TDP1: variants seen among roughly 807,000 people sequenced by gnomAD.
TDP1 encodes tyrosyl-DNA phosphodiesterase 1, also known as tyr-DNA phosphodiesterase 1.
Under a neutral mutation model 81.5 loss-of-function variants are expected in TDP1, and 64 were observed. That is an observed-to-expected ratio of 0.79 (90% confidence interval 0.64 to 0.97). The LOEUF is 0.97. Among genes scored for constraint, TDP1 ranks in the 50% least tolerant of loss-of-function variants. TDP1 has a pLI of 0.00. For missense variants in TDP1, 723 were observed against 743.8 expected, an observed-to-expected ratio of 0.97 and a Z score of 0.33; for synonymous variants, 256 against 264.3, an observed-to-expected ratio of 0.97 and a Z score of 0.30.
chr14:89,975,553 TATAATCATTCTGGGTA>T, intron 6 of TDP1: 1 of 873,482 alleles, frequency 1.1e-6, no homozygotes, highest in South Asian at 5.3e-5. Flanking sequence ...TTCTGTAGTG[TATAATCATTCTGGGTA>T]ACAAAATTTG....
intron 11 of TDP1, 105 bp downstream of exon 11, chr14:89,989,195 CTT>C (rs35878148): frequency 0.015 from 10,580 of 722,238 alleles, no homozygotes; most frequent in Middle Eastern, 0.017. Flanking sequence ...TTCTGTGATT[CTT>C]TTTTTTTTTT....
intron 16 of TDP1, among the ~76,000 whole-genome samples, chr14:90,040,641 G>A (rs888548811): frequency 2.0e-5 from 3 of 152,224 alleles, no homozygotes; most frequent in Admixed American, 2.0e-4. Context: ...TGCAACAAAT[G>A]TTTTAAATAC....
At chr14:89,995,046 G>A (rs758013423) in intron 14 of TDP1, among the ~76,000 whole-genome samples, 33 of 152,140 alleles carry the variant, frequency 2.2e-4, no homozygotes, top group Non-Finnish European at 3.4e-4. Context: ...CTTTAATGTC[G>A]AATGGCTGTT....
At chr14:90,021,547 A>T (rs1386016936) in intron 15 of TDP1, among the ~76,000 whole-genome samples, 1 of 151,990 alleles carries the variant, frequency 6.6e-6, no homozygotes, top group East Asian at 1.9e-4. Context: ...GGTCCTCTAA[A>T]CCCTTCTGAG....
intron 14 of TDP1, among the ~76,000 whole-genome samples, chr14:90,017,648 G>GTATC (rs1301425624): frequency 7.2e-5 from 11 of 152,176 alleles, no homozygotes; most frequent in Non-Finnish European, 8.8e-5. Flanking sequence ...TGATAGTCAA[G>GTATC]AGTTGGCCAG....
At chr14:90,042,965 C>T (rs909119720) in intron 16 of TDP1, 105 bp from the exon 17 acceptor site, 2 of 1,587,292 alleles carry the variant, frequency 1.3e-6, no homozygotes, top group Non-Finnish European at 1.7e-6. Flanking sequence ...AAATACTCTA[C>T]CACAGTTTAG....
chr14:90,000,358 G>A (rs774119898), intron 14 of TDP1, among the ~76,000 whole-genome samples: 6 of 152,166 alleles, frequency 3.9e-5, no homozygotes, highest in Admixed American at 6.5e-5. Flanking sequence ...ATACAGGCAT[G>A]TGCACCAGGG....
chr14:90,007,200 C>T (rs886482663), intron 14 of TDP1, among the ~76,000 whole-genome samples: 5 of 152,160 alleles, frequency 3.3e-5, no homozygotes, highest in Non-Finnish European at 1.5e-5. Flanking sequence ...TTCACTGATG[C>T]CTTCTTACTG....
chr14:90,024,176 C>T (rs1043972749), intron 15 of TDP1, among the ~76,000 whole-genome samples: 1 of 152,156 alleles, frequency 6.6e-6, no homozygotes, highest in Non-Finnish European at 1.5e-5. Context: ...GGCTTCTTTT[C>T]CCCTTCGTGC....
chr14:89,998,372 T>C (rs1178978862), intron 14 of TDP1, among the ~76,000 whole-genome samples: 2 of 53,148 alleles, frequency 3.8e-5, no homozygotes, highest in African/African-American at 8.2e-5. Flanking sequence ...TCCAAGCACA[T>C]TATATATATA....
At chr14:89,970,481 C>T (rs1349049347) in intron 5 of TDP1, among the ~76,000 whole-genome samples, 1 of 151,718 alleles carries the variant, frequency 6.6e-6, no homozygotes, top group Non-Finnish European at 1.5e-5. Flanking sequence ...ACCGTGTGGT[C>T]CAAAAGAAAA....
chr14:89,963,815 G>A (rs1330061860), intron 3 of TDP1, 142 bp downstream of exon 3: 6 of 912,248 alleles, frequency 6.6e-6, no homozygotes, highest in Non-Finnish European at 1.1e-5. Context: ...ATTCTTGACA[G>A]GCAAGTGCAT....
At chr14:89,966,978 T>G (rs2139975792) in intron 4 of TDP1, 1 of 985,166 alleles carries the variant, frequency 1.0e-6, no homozygotes, top group South Asian at 4.7e-5. Context: ...AGTCCTGGGA[T>G]CTTTGTCTCC....
At chr14:90,031,578 A>G (rs1220036045) in intron 15 of TDP1, among the ~76,000 whole-genome samples, 1 of 151,422 alleles carries the variant, frequency 6.6e-6, no homozygotes, top group Non-Finnish European at 1.5e-5. Context: ...AACTGCTTGA[A>G]CCCGGGTGGC....
intron 5 of TDP1, among the ~76,000 whole-genome samples, chr14:89,969,048 C>G (rs1283718335): frequency 1.3e-5 from 2 of 152,200 alleles, no homozygotes; most frequent in Non-Finnish European, 2.9e-5. Context: ...ACGCCATTTA[C>G]AAGCCAAGCT....
At chr14:89,959,532 C>G (rs1166142814) in intron 2 of TDP1, among the ~76,000 whole-genome samples, 1 of 152,148 alleles carries the variant, frequency 6.6e-6, no homozygotes, top group East Asian at 1.9e-4. Flanking sequence ...GTCTGTTGCA[C>G]TAAATTGTAA....
intron 4 of TDP1, chr14:89,966,900 C>A (rs1473950149): frequency 2.7e-6 from 2 of 738,192 alleles, no homozygotes; most frequent in Non-Finnish European, 3.3e-6. Context: ...TAGTGAATGT[C>A]TGGTCCCAGG....
In TDP1 at chr14:89,989,014, C is replaced by T; in HGVS notation, c.1241C>T (p.Ser414Phe). ...LGADESKWLC[S>F]EFKESMLTLG... ...GCCGATGAATCAAAGTGGTTATGTT[C>T]TGAGTTTAAAGAGAGCATGCTGACA... The change falls in exon 11 of 17, where the codon TCT becomes TTT. Residue 414 changes from serine (S) to phenylalanine (F), a missense_variant. By Grantham distance (155) the Ser-to-Phe change is radical (BLOSUM62 -2). Coordinates refer to ENST00000335725, the MANE Select transcript of TDP1 (RefSeq NM_018319.4). The T allele has an allele frequency of 1.2e-6, 2 of 1,614,166 alleles. No homozygotes were observed. The highest frequency in any genetic ancestry group is 2.7e-5 in the African/African-American group (2 of 75,064).
chr14:89,959,164 G>C (rs2139903825), intron 2 of TDP1, among the ~76,000 whole-genome samples: 1 of 152,326 alleles, frequency 6.6e-6, no homozygotes, highest in Non-Finnish European at 1.5e-5. Flanking sequence ...CCAGGATTCA[G>C]AATCAACACA....
Sources: gnomAD v4.1 joint callset for allele counts (sites outside exome capture counted in the v4.1 genomes callset) on GRCh38, gnomAD v4.1.1 for gene constraint, MANE v1.5 for transcripts, NCBI Gene and HGNC (gene_info 2026-07-23, HGNC 2026-07-21) for gene names.